Variants in SYNE1 observed in about 807,000 individuals in gnomAD.
SYNE1 encodes the protein nesprin-1.
SYNE1 carries 616 observed loss-of-function variants against 1,111.0 expected under a neutral mutation model. The observed-to-expected ratio is 0.55, with a 90% CI of 0.52 to 0.59. The LOEUF (loss-of-function observed/expected upper bound fraction) is 0.59. SYNE1 is among the 20% of genes least tolerant of loss of function. The pLI, the probability that SYNE1 is intolerant of heterozygous loss-of-function variation, is 0.00. For missense variants in SYNE1, 10,006 were observed against 10,417.0 expected, an observed-to-expected ratio of 0.96 and a Z score of 1.72; for synonymous variants, 3,855 against 3,825.8, an observed-to-expected ratio of 1.01 and a Z score of -0.28.
At chr6:152,614,422 A>C (rs1203475996) in intron 3 of SYNE1, among the ~76,000 whole-genome samples, 5 of 152,262 alleles carry the variant, frequency 3.3e-5, no homozygotes, top group Non-Finnish European at 7.3e-5. Context: ...GCAAATAAAA[A>C]CCACAAGGAG....
chr6:152,181,891 A>G (rs1346601405), intron 128 of SYNE1, among the ~76,000 whole-genome samples: 1 of 152,136 alleles, frequency 6.6e-6, no homozygotes, highest in Non-Finnish European at 1.5e-5. Flanking sequence ...TCACATTCCC[A>G]CCAGTAGTAG....
Position 152,483,258 on chromosome 6 carries a change from TA to T in SYNE1, c.1186-10del. ...ATATGCCAGTCAAAGAGCTAAAATT[TA>T]AAAAGCAGAAAAGTAAAATATCTTT... On this transcript the variant is annotated splice_polypyrimidine_tract_variant and intron_variant, in intron 13 of 145. Coordinates refer to ENST00000367255, the MANE Select transcript of SYNE1 (RefSeq NM_182961.4). The T allele has an allele frequency of 6.2e-7, 1 of 1,613,746 alleles. No homozygotes were observed. Among genetic ancestry groups the T allele is most frequent in the Non-Finnish European group, 8.5e-7 (1 of 1,179,720 alleles).
chr6:152,394,931 C>G (rs556247831), intron 51 of SYNE1, among the ~76,000 whole-genome samples: 34 of 151,740 alleles, frequency 2.2e-4, no homozygotes, highest in Admixed American at 8.5e-4. Flanking sequence ...TACAGGTGCC[C>G]TCCACCACGC....
chr6:152,428,057 C>T (rs2098387090), intron 37 of SYNE1, 148 bp downstream of exon 37: 8 of 1,206,198 alleles, frequency 6.6e-6, no homozygotes, highest in Admixed American at 3.5e-5. Context: ...GAATCTTTGC[C>T]TTATAACAAA....
rs35106977 is a variant in SYNE1, at chr6:152,219,165, G to T, written c.21882C>A (p.Gly7294=). 872 of 1,613,930 alleles carry T rather than the reference G, an allele frequency of 5.4e-4. 7 individuals carry two copies. In the African/African-American group the frequency reaches 0.01, roughly 19 times the overall value. Residue 7294 remains glycine (G), a synonymous_variant, in exon 120 of 146, where the codon GGC becomes GGA. Transcript: ENST00000367255. ...QDCNDLLKGL[G]TVKDSLFFLH... ...GAAAAAAGAGGGAATCTTTAACTGT[G>T]CCCAGTCCTTTGAGGAGGTCCTAGA...
At chr6:152,203,395 C>T (rs1230827915) in intron 126 of SYNE1, among the ~76,000 whole-genome samples, 1 of 152,060 alleles carries the variant, frequency 6.6e-6, no homozygotes, top group South Asian at 2.1e-4. Flanking sequence ...TCATGTTGTC[C>T]AACACTGCCC....
At chr6:152,500,392 T>C (rs2099022805) in intron 10 of SYNE1, among the ~76,000 whole-genome samples, 1 of 152,218 alleles carries the variant, frequency 6.6e-6, no homozygotes, top group Non-Finnish European at 1.5e-5. Flanking sequence ...TATAGTTAAG[T>C]CACGCTGGTG....
chr6:152,354,495 C>A (rs550944680), intron 67 of SYNE1, among the ~76,000 whole-genome samples, 164 bp downstream of exon 67: 1 of 152,264 alleles, frequency 6.6e-6, no homozygotes, highest in African/African-American at 2.4e-5. Flanking sequence ...GAAATAATTG[C>A]TGTAAGAGGA....
chr6:152,325,968 G>A lies in SYNE1; in HGVS notation c.15428C>T (p.Ser5143Leu), dbSNP rs1175094169. Residue 5143 changes from serine to leucine, a missense_variant, in exon 80 of 146, where the codon TCA (serine) becomes TTA (leucine). By Grantham distance (145) the Ser-to-Leu change is moderately radical. This residue lies in a region of SYNE1 where 4,955 missense variants were observed against 5,017.2 expected (regional missense o/e 0.99). Transcript: ENST00000367255. ...GCCCAAAACTCTGACCTTGTGTTCT[G>A]ACAATTTTTCTTCCGCTTCATGACT... Reference protein sequence around the residue: ...SSSHEAEEKLSEHKALVSVVN... With the variant: ...SSSHEAEEKLLEHKALVSVVN... 5 of 1,613,958 alleles carry A rather than the reference G, an allele frequency of 3.1e-6. No homozygotes were observed. The African/African-American group carries it at 6.7e-5, about 22-fold the overall frequency.
At chr6:152,361,303 G>A (rs553128859) in intron 64 of SYNE1, among the ~76,000 whole-genome samples, 89 of 152,282 alleles carry the variant, frequency 5.8e-4, no homozygotes, top group African/African-American at 2.0e-3. Flanking sequence ...ACCAGGTGAC[G>A]GAGATTGAGC....
chr6:152,399,908 C>A, intron 47 of SYNE1, 85 bp from the exon 48 acceptor site: 1 of 1,436,566 alleles, frequency 7.0e-7, no homozygotes, highest in Admixed American at 1.8e-5. Context: ...GTTTTACAAT[C>A]TGAAATTGAC....
chr6:152,284,992 C>T (rs760448493), intron 95 of SYNE1, among the ~76,000 whole-genome samples: 7 of 152,208 alleles, frequency 4.6e-5, no homozygotes, highest in Non-Finnish European at 8.8e-5. Flanking sequence ...TGATGTCTTC[C>T]ATTCCCAAGA....
At chr6:152,134,997 A>G in intron 142 of SYNE1, 107 bp downstream of exon 142, 2 of 1,527,968 alleles carry the variant, frequency 1.3e-6, no homozygotes, top group Non-Finnish European at 1.8e-6. Flanking sequence ...TATAATGCAA[A>G]AAGTTAAAAA....
At chr6:152,387,873 GACAC>G (rs146726486) in intron 53 of SYNE1, among the ~76,000 whole-genome samples, 1 of 150,920 alleles carries the variant, frequency 6.6e-6, no homozygotes, top group Admixed American at 6.6e-5. Context: ...TTCATTTGGG[GACAC>G]ACACACACAC....
In SYNE1 at chr6:152,367,026, AAAACATCCGGGGTCAG is replaced by A. The variant is rs3832404; in HGVS notation, c.9972+176_9972+191del. 3,084 of 747,266 alleles carry A rather than the reference AAAACATCCGGGGTCAG, an allele frequency of 4.1e-3. 92 individuals carry two copies. The East Asian group carries it at 0.048, about 12-fold the overall frequency. 46.3% of individuals were successfully genotyped at this position (747,266 alleles called of 1,614,324 possible). ...GGCTTTATTTTATTTTATTTTTTGG[AAAACATCCGGGGTCAG>A]ATGATTCAGGAATTCTCTGGCATGT... On this transcript the variant is annotated intron_variant, in intron 62 of 145. Transcript: ENST00000367255.
intron 100 of SYNE1, among the ~76,000 whole-genome samples, chr6:152,266,076 G>A: frequency 6.6e-6 from 1 of 152,058 alleles, no homozygotes; most frequent in Admixed American, 6.6e-5. Context: ...GCATATAAAG[G>A]TGAAGTTTCT....
chr6:152,211,007 C>T (rs1458562847), intron 124 of SYNE1, among the ~76,000 whole-genome samples: 1 of 152,118 alleles, frequency 6.6e-6, no homozygotes, highest in African/African-American at 2.4e-5. Context: ...GACATGAGCT[C>T]CAGGCCTGAT....
chr6:152,330,061 G>A lies in SYNE1; in HGVS notation c.14624C>T (p.Thr4875Met), dbSNP rs372315956. 23 of 1,613,980 alleles carry A rather than the reference G, an allele frequency of 1.4e-5. No individual in the cohort carries two copies. The highest frequency in any genetic ancestry group is 3.3e-5 in the South Asian group (3 of 91,074). ...LKLLTSAIGE[T>M]VTECESRMVQ... is the part of the protein sequence containing the mutation. ...CATTCGGCTCTCACATTCTGTCACC[G>A]TCTCACCAATGGCAGAAGTCAACAG... The change falls in exon 78 of 146, where the codon ACG becomes ATG. Residue 4875 changes from threonine (T) to methionine (M), a missense_variant. Coordinates refer to ENST00000367255, the MANE Select transcript of SYNE1 (RefSeq NM_182961.4).
intron 104 of SYNE1, among the ~76,000 whole-genome samples, chr6:152,252,713 T>C (rs762999296): frequency 6.6e-6 from 1 of 152,238 alleles, no homozygotes; most frequent in Non-Finnish European, 1.5e-5. Flanking sequence ...TATGTTAACA[T>C]TGGAAAGTTT....
Sources: gnomAD v4.1 joint callset for allele counts (sites outside exome capture counted in the v4.1 genomes callset) on GRCh38, gnomAD v4.1.1 for gene constraint, gnomAD v4.1.1 regional missense constraint, MANE v1.5 for transcripts, NCBI Gene and HGNC (gene_info 2026-07-23, HGNC 2026-07-21) for gene names.